The following COL21A1 variants were observed in gnomAD, a reference collection of about 807,000 sequenced individuals.
COL21A1 encodes the protein collagen alpha-1(XXI) chain.
Under a neutral mutation model 137.9 loss-of-function variants are expected in COL21A1, and 149 were observed. The ratio of observed to expected loss-of-function variants is 1.08; its 90% CI spans 0.95 to 1.24. COL21A1 has a LOEUF of 1.24. COL21A1 is among the 50% of genes most tolerant of loss of function. The pLI, the probability that COL21A1 is intolerant of heterozygous loss-of-function variation, is 0.00. For synonymous variants in COL21A1, 456 were observed against 391.5 expected, an observed-to-expected ratio of 1.16 and a Z score of -1.95; for missense variants, 1,167 against 1,158.4, an observed-to-expected ratio of 1.01 and a Z score of -0.11.
chr6:56,350,999 G>T (rs1765700284), intron 1 of COL21A1, among the ~76,000 whole-genome samples: 1 of 152,264 alleles, frequency 6.6e-6, no homozygotes, highest in African/African-American at 2.4e-5. Flanking sequence ...TGGTGCTGGA[G>T]TCTGTCTCTC....
At chr6:56,125,660 T>C (rs748013969) in intron 13 of COL21A1, 40 bp from the exon 14 acceptor site, 2 of 1,294,122 alleles carry the variant, frequency 1.5e-6, no homozygotes, top group Admixed American at 4.8e-5. Context: ...TTAAGAAATA[T>C]GAATATTTTT....
intron 1 of COL21A1, among the ~76,000 whole-genome samples, chr6:56,305,388 A>G (rs1479925658): frequency 6.6e-6 from 1 of 152,062 alleles, no homozygotes; most frequent in African/African-American, 2.4e-5. Context: ...CTAGGTCTCT[A>G]AGGACTTGCT....
At chr6:56,129,366 T>TTTATA (rs1270754102) in intron 12 of COL21A1, among the ~76,000 whole-genome samples, 1 of 152,020 alleles carries the variant, frequency 6.6e-6, no homozygotes, top group Non-Finnish European at 1.5e-5. Flanking sequence ...TGATATAACC[T>TTTATA]TGACTTTATA....
rs1765716085 is a variant in COL21A1 at position 56,060,737 on chromosome 6, C to T, written c.2407+4G>A. 2.5e-6 allele frequency: 4 copies of T among 1,595,992 alleles called. No homozygotes were observed. In the South Asian group the frequency reaches 3.4e-5, roughly 14 times the overall value. ...GTTATTAAAATGCTATATTTGATACCTACCTCTTATTACATCTGTGCAAAC... is the reference window on the plus strand; with the variant it reads ...GTTATTAAAATGCTATATTTGATACTTACCTCTTATTACATCTGTGCAAAC... On this transcript the variant is annotated splice_donor_region_variant and intron_variant, in intron 27 of 29. Transcript: ENST00000244728.
chr6:56,078,235 GAATA>G, intron 17 of COL21A1: 1 of 455,512 alleles, frequency 2.2e-6, no homozygotes, highest in Non-Finnish European at 4.4e-6. Context: ...ATCAAGTTAA[GAATA>G]AATTTAGCAC....
intron 1 of COL21A1, chr6:56,230,982 C>T (rs974990784): frequency 3.3e-5 from 5 of 151,940 alleles, no homozygotes; most frequent in African/African-American, 1.2e-4. Flanking sequence ...ACCTACCCTT[C>T]ATAGCACCAC....
chr6:56,201,586 G>C (rs974935959), intron 1 of COL21A1, among the ~76,000 whole-genome samples: 16 of 151,904 alleles, frequency 1.1e-4, no homozygotes, highest in African/African-American at 1.7e-4. Flanking sequence ...TCTTGTTTTT[G>C]TCAGGTTTGT....
upstream of COL21A1, among the ~76,000 whole-genome samples, chr6:56,250,374 G>T (rs1299876410): frequency 6.6e-6 from 1 of 152,188 alleles, no homozygotes; most frequent in African/African-American, 2.4e-5. Flanking sequence ...AGTTAGAGAG[G>T]CATGCTTTGG....
intron 1 of COL21A1, among the ~76,000 whole-genome samples, chr6:56,267,474 T>C (rs1409508077): frequency 6.6e-6 from 1 of 152,112 alleles, no homozygotes; most frequent in Non-Finnish European, 1.5e-5. Flanking sequence ...GAGAGCCTCC[T>C]GGCCAGGCAC....
intron 1 of COL21A1, among the ~76,000 whole-genome samples, chr6:56,231,909 G>C (rs372132548): frequency 6.8e-6 from 1 of 147,192 alleles, no homozygotes; most frequent in African/African-American, 2.4e-5. Flanking sequence ...CCTTTTAAAT[G>C]AGTAACAAGC....
intron 10 of COL21A1, among the ~76,000 whole-genome samples, chr6:56,148,365 A>AGAGAGAGAGAGAGAGC (rs1775015334): frequency 6.6e-6 from 1 of 151,692 alleles, no homozygotes; most frequent in South Asian, 2.1e-4. Context: ...AGAGAGAGAG[A>AGAGAGAGAGAGAGAGC]GAGAAACACA....
intron 5 of COL21A1, 111 bp from the exon 6 acceptor site, chr6:56,168,408 A>C (rs139066071): frequency 2.4e-6 from 2 of 822,104 alleles, no homozygotes; most frequent in African/African-American, 3.4e-5. Context: ...CATCCCACAC[A>C]GACTGACTGT....
At chr6:56,133,784 A>G (rs1480785361) in intron 12 of COL21A1, among the ~76,000 whole-genome samples, 2 of 152,220 alleles carry the variant, frequency 1.3e-5, no homozygotes, top group Non-Finnish European at 2.9e-5. Context: ...GTACAGCATG[A>G]GCCATTGCTT....
chr6:56,115,951 G>C (rs1320657463), intron 16 of COL21A1, among the ~76,000 whole-genome samples: 1 of 151,970 alleles, frequency 6.6e-6, no homozygotes, highest in Admixed American at 6.6e-5. Context: ...TGATGAGCTT[G>C]AAGATAGACT....
chr6:56,120,706 A>C (rs1772383385), intron 16 of COL21A1, among the ~76,000 whole-genome samples: 1 of 151,942 alleles, frequency 6.6e-6, no homozygotes, highest in Non-Finnish European at 1.5e-5. Context: ...AGGCAGGAGA[A>C]TTGCTTGAAC....
chr6:56,307,862 C>T (rs926712624), intron 1 of COL21A1, among the ~76,000 whole-genome samples: 21 of 152,150 alleles, frequency 1.4e-4, no homozygotes, highest in Non-Finnish European at 2.2e-4. Flanking sequence ...GCCATCTTGG[C>T]TCCACCCCCT....
At chr6:56,162,339 C>A (rs1192984046) in intron 9 of COL21A1, among the ~76,000 whole-genome samples, 2 of 152,048 alleles carry the variant, frequency 1.3e-5, no homozygotes, top group Admixed American at 1.3e-4. Context: ...TGGAAAACTG[C>A]AATTTCACTT....
chr6:56,162,436 A>T (rs1324670186), intron 9 of COL21A1, among the ~76,000 whole-genome samples: 1 of 152,246 alleles, frequency 6.6e-6, no homozygotes, highest in Non-Finnish European at 1.5e-5. Context: ...ATATTAAAAA[A>T]TTAGAGGCTT....
intron 1 of COL21A1, among the ~76,000 whole-genome samples, chr6:56,326,341 G>T (rs1005899291): frequency 2.0e-5 from 3 of 151,510 alleles, no homozygotes; most frequent in African/African-American, 7.3e-5. Flanking sequence ...AATGCAATCT[G>T]TAATTCACAT....
Sources: allele counts gnomAD v4.1 joint callset (sites outside exome capture counted in the v4.1 genomes callset), GRCh38; gene constraint gnomAD v4.1.1; transcripts MANE v1.5; gene names NCBI Gene and HGNC (gene_info 2026-07-23, HGNC 2026-07-21).